Variants in TBC1D26 observed in about 807,000 individuals in gnomAD.
TBC1D26 encodes the protein TBC1 domain family, member 26.
In TBC1D26, 19 loss-of-function variants were observed where a neutral mutation model predicts 42.5. The observed-to-expected ratio is 0.45, with a 90% CI of 0.31 to 0.66. The LOEUF is 0.66. Ranked by LOEUF, TBC1D26 falls within the 30% of genes least tolerant of loss-of-function variation. The pLI is 0.06. For synonymous variants in TBC1D26, 97 were observed against 123.5 expected, an observed-to-expected ratio of 0.79 and a Z score of 1.42; for missense variants, 228 against 332.6, an observed-to-expected ratio of 0.69 and a Z score of 2.45.
intron 8 of TBC1D26, 59 bp from the exon 9 acceptor site, chr17:15,740,041 T>C (rs1967731130): frequency 6.4e-7 from 1 of 1,566,536 alleles, no homozygotes; most frequent in African/African-American, 1.4e-5. Flanking sequence ...GTAGACAAAA[T>C]GAAATTGACA....
rs999349539 is a variant in TBC1D26 at position 15,738,534 on chromosome 17, C to T, written c.387+147C>T. On this transcript the variant is annotated intron_variant, in intron 7 of 14. Transcript: ENST00000437605. The stretch of plus-strand genomic sequence containing the variant: ...TCCTGGGCATAGATGGTAACTCAGG[C>T]ACCACAGGTGCGCTGGGCTCTGCTG... The T allele has an allele frequency of 2.5e-5, 33 of 1,307,522 alleles. 1 individual carries two copies. The highest frequency in any genetic ancestry group is 1.8e-4 in the East Asian group (7 of 39,996). The allele number at this position is 1,307,522 out of a possible 1,614,324, so 81.0% of individuals were successfully genotyped here. A position where few individuals can be genotyped will look rare whatever the true frequency, so the allele number is the denominator to read the frequency against.
chr17:15,740,617 C>A, intron 9 of TBC1D26: 4 of 1,084,748 alleles, frequency 3.7e-6, no homozygotes, highest in Non-Finnish European at 4.5e-6. Context: ...TCCTGCTTGG[C>A]CCCCACTTTC....
chr17:15,738,276 G>A lies in TBC1D26; in HGVS notation c.280-4G>A, dbSNP rs754163462. 2.5e-6 allele frequency: 4 copies of A among 1,613,874 alleles called. No homozygotes were observed. In the East Asian group the frequency reaches 9.0e-5, roughly 36 times the overall value. On this transcript the variant is annotated splice_polypyrimidine_tract_variant and splice_region_variant and intron_variant, in intron 6 of 14. Transcript: ENST00000437605. ...TTCTCACTGGAGTGTTCTTCTGTCT[G>A]TAGCTGTCTCAAAGAGTATACAAAG...
At chr17:15,737,792 A>G (rs1454313358) in intron 5 of TBC1D26, 2 of 819,774 alleles carry the variant, frequency 2.4e-6, no homozygotes, top group Middle Eastern at 3.5e-4. Context: ...TGGGGCATTT[A>G]TGGCCTGAGG....
intron 7 of TBC1D26, 32 bp downstream of exon 7, chr17:15,738,419 A>C: frequency 2.5e-6 from 4 of 1,609,070 alleles, no homozygotes; most frequent in Non-Finnish European, 3.4e-6. Flanking sequence ...CTAGGAGTAC[A>C]AACAAGCTAG....
At position 15,735,434 on chromosome 17, in the gene TBC1D26, G is replaced by A. The variant is rs780697917; in HGVS notation, c.75+11G>A. Reference sequence around the variant, plus strand: ...ACTAAGTATGAGCAGGTACAAGTTGGGCCGCTCCCTCAAGGGAAGCAGGGC... The same window carrying A: ...ACTAAGTATGAGCAGGTACAAGTTGAGCCGCTCCCTCAAGGGAAGCAGGGC... On this transcript the variant is annotated intron_variant, in intron 3 of 14. Coordinates refer to ENST00000437605, the MANE Select transcript of TBC1D26 (RefSeq NM_001388465.1). 1 of 1,610,610 alleles carries A rather than the reference G, an allele frequency of 6.2e-7. No homozygotes were observed. The highest frequency in any genetic ancestry group is 8.5e-7 in the Non-Finnish European group (1 of 1,178,580).
At position 15,737,995 on chromosome 17, in the gene TBC1D26, A is replaced by G. The variant is rs1967665126; in HGVS notation, c.199-2A>G. The G allele has an allele frequency of 6.2e-7, 1 of 1,613,974 alleles. No homozygotes were observed. The highest frequency in any genetic ancestry group is 8.5e-7 in the Non-Finnish European group (1 of 1,179,964). ...CTAACTCCATCATGGCTCATTTGAC[A>G]GCAAAGACGCAAGGAAAGTAAACGT... On this transcript the variant is annotated splice_acceptor_variant, in intron 5 of 14. Coordinates refer to ENST00000437605, the MANE Select transcript of TBC1D26 (RefSeq NM_001388465.1). LOFTEE classifies it high-confidence loss of function.
rs557396457 is a variant in TBC1D26 at position 15,740,160 on chromosome 17, C to A, written c.546+12C>A. 2.5e-6 allele frequency: 4 copies of A among 1,614,154 alleles called. No homozygotes were observed. In the South Asian group the frequency reaches 4.4e-5, roughly 18 times the overall value. ...CTGCATATAACCCTGTGAGTATTCCCGGGCAGCGATATTCCTGGGACATGT... is the reference window on the plus strand; with the variant it reads ...CTGCATATAACCCTGTGAGTATTCCAGGGCAGCGATATTCCTGGGACATGT... On this transcript the variant is annotated intron_variant, in intron 9 of 14. Coordinates refer to ENST00000437605, the MANE Select transcript of TBC1D26 (RefSeq NM_001388465.1).
Position 15,743,043 on chromosome 17 carries a change from CAT to C in TBC1D26, c.907+36_907+37del, listed in dbSNP as rs1276426053. ...GTGTGCCCGAGGGTGCTTGGGGGAA[CAT>C]GTGGGACAGACCCCGGCTGGCCTGA... is the stretch of plus-strand genomic sequence containing the variant. On this transcript the variant is annotated intron_variant, in intron 13 of 14. Transcript: ENST00000437605. 7 of 153,222 alleles carry C rather than the reference CAT, an allele frequency of 4.6e-5. No individual in the cohort carries two copies. In the Admixed American group the frequency reaches 4.6e-4, roughly 10 times the overall value. 9.5% of individuals were successfully genotyped at this position (153,222 alleles called of 1,614,324 possible). A position where few individuals can be genotyped will look rare whatever the true frequency, so the allele number is the denominator to read the frequency against.
At chr17:15,742,142 G>A (rs1259089988) in intron 11 of TBC1D26, 106 bp downstream of exon 11, 9 of 899,836 alleles carry the variant, frequency 1.0e-5, no homozygotes, top group Middle Eastern at 3.0e-4. Context: ...TCCCAGCCAC[G>A]GCCTGACCTG....
chr17:15,736,420 G>A (rs528359121), intron 4 of TBC1D26: 41 of 152,006 alleles, frequency 2.7e-4, no homozygotes, highest in African/African-American at 9.2e-4. Context: ...CTGACAGCCT[G>A]GGGAGGACAA....
intron 1 of TBC1D26, among the ~76,000 whole-genome samples, chr17:15,734,530 T>A (rs11653200): frequency 0.32 from 48,880 of 151,178 alleles, 8,732 homozygotes; most frequent in Non-Finnish European, 0.41. Context: ...TCGTCTCTCC[T>A]GGTCAAAGAG....
chr17:15,741,460 A>G (rs1967777804), intron 10 of TBC1D26: 1 of 636,172 alleles, frequency 1.6e-6, no homozygotes. Flanking sequence ...GAGGGCATGG[A>G]TACCTCCCCC....
chr17:15,740,496 A>C, intron 9 of TBC1D26: 2 of 1,250,602 alleles, frequency 1.6e-6, no homozygotes, highest in Non-Finnish European at 2.0e-6. Context: ...ATGAGTTTGC[A>C]TCCTGGGGGA....
intron 9 of TBC1D26, 79 bp from the exon 10 acceptor site, chr17:15,741,043 C>A: frequency 6.3e-7 from 1 of 1,582,806 alleles, no homozygotes; most frequent in Non-Finnish European, 8.6e-7. Context: ...ACCTGTGCCA[C>A]CTCTGGTGAC....
In TBC1D26 at chr17:15,742,033, C is replaced by T. The variant is rs777642006; in HGVS notation, c.738C>T (p.His246=). 2.5e-6 allele frequency: 4 copies of T among 1,613,726 alleles called. No homozygotes were observed. The highest frequency in any genetic ancestry group is 1.3e-5 in the African/African-American group (1 of 75,024). The change falls in exon 11 of 15, where the codon CAC becomes CAT. Residue 246 remains histidine, a synonymous_variant. Coordinates refer to ENST00000437605, the MANE Select transcript of TBC1D26 (RefSeq NM_001388465.1). ...LHKSFPKIMR[H]LGKEGLCIEG... ...AGTCCTTCCCAAAGATCATGAGACA[C>T]CTGGTGAGTGGATGACACCCTCAGC...
At chr17:15,743,113 T>A (rs1256887705) in intron 13 of TBC1D26, 105 bp downstream of exon 13, 1 of 152,172 alleles carries the variant, frequency 6.6e-6, no homozygotes, top group African/African-American at 2.4e-5. Flanking sequence ...GGTTGGGGGG[T>A]CTGGCCTGCT....
In TBC1D26 at chr17:15,742,948, A is replaced by C. The variant is rs1218767049; in HGVS notation, c.847A>C (p.Ile283Leu). The C allele has an allele frequency of 6.5e-6, 1 of 154,482 alleles. No individual in the cohort carries two copies. Among genetic ancestry groups the C allele is most frequent in the Admixed American group, 6.5e-5 (1 of 15,314 alleles). 9.6% of individuals were successfully genotyped at this position (154,482 alleles called of 1,614,324 possible). A position where few individuals can be genotyped will look rare whatever the true frequency, so the allele number is the denominator to read the frequency against. The change falls in exon 13 of 15, where the codon ATC becomes CTC. Residue 283 changes from isoleucine to leucine, a missense_variant. Transcript: ENST00000437605. ...CACCCTGAGACTGTGGGATGTGTTC[A>C]TCTTGGAGGGCGCGCGGGTACTGAC... is the stretch of plus-strand genomic sequence containing the variant. The part of the protein sequence containing the change: ...GLTLRLWDVF[I>L]LEGARVLTAM...
intron 10 of TBC1D26, 172 bp downstream of exon 10, chr17:15,741,393 TG>T: frequency 8.2e-7 from 1 of 1,224,262 alleles, no homozygotes; most frequent in Non-Finnish European, 1.1e-6. Flanking sequence ...TACAGCAGCC[TG>T]GGTCTGGACA....
Sources: gnomAD v4.1 joint callset for allele counts (sites outside exome capture counted in the v4.1 genomes callset) on GRCh38, gnomAD v4.1.1 for gene constraint, MANE v1.5 for transcripts, NCBI Gene and HGNC (gene_info 2026-07-23, HGNC 2026-07-21) for gene names.